WDR27: variants seen among roughly 807,000 people sequenced by gnomAD.
The protein encoded by WDR27 is WD repeat-containing protein 27.
A neutral mutation model predicts 114.4 loss-of-function variants in WDR27; 100 were observed. The observed-to-expected ratio is 0.87, with a 90% CI of 0.74 to 1.03. The LOEUF (loss-of-function observed/expected upper bound fraction) is 1.03. Ranked by LOEUF, WDR27 falls within the 50% of genes least tolerant of loss-of-function variation. The pLI is 0.00. For missense variants in WDR27, 1,129 were observed against 1,092.9 expected (o/e 1.03, Z -0.47); for synonymous variants, 449 against 423.1 (o/e 1.06, Z -0.75).
intron 25 of WDR27, among the ~76,000 whole-genome samples, chr6:169,459,310 T>A (rs998915858): frequency 2.6e-5 from 4 of 151,874 alleles, no homozygotes; most frequent in Non-Finnish European, 5.9e-5. Flanking sequence ...ATAAAATAAT[T>A]GAAATAAAGT....
intron 25 of WDR27, among the ~76,000 whole-genome samples, chr6:169,514,696 G>C (rs147422116): frequency 1.7e-4 from 25 of 147,976 alleles, no homozygotes; most frequent in African/African-American, 6.2e-4. Context: ...GGAATAAAAG[G>C]TTGGCTTAAC....
At chr6:169,649,107 G>T in intron 15 of WDR27, 91 bp downstream of exon 15, 2 of 1,059,472 alleles carry the variant, frequency 1.9e-6, no homozygotes, top group Non-Finnish European at 2.9e-6. Context: ...CACATATAAG[G>T]TTTTATATCT....
chr6:169,476,792 T>C (rs1787242241), intron 25 of WDR27, among the ~76,000 whole-genome samples: 1 of 152,250 alleles, frequency 6.6e-6, no homozygotes, highest in Non-Finnish European at 1.5e-5. Context: ...AGATACTGCA[T>C]GCAGTGACCT....
intron 25 of WDR27, among the ~76,000 whole-genome samples, chr6:169,470,838 A>G (rs1583617283): frequency 6.6e-6 from 1 of 152,200 alleles, no homozygotes; most frequent in South Asian, 2.1e-4. Flanking sequence ...GGTCCATAGC[A>G]CAAGATGTGG....
At chr6:169,676,774 T>C (rs1322713423) in intron 2 of WDR27, among the ~76,000 whole-genome samples, 2 of 152,194 alleles carry the variant, frequency 1.3e-5, no homozygotes, top group African/African-American at 4.8e-5. Flanking sequence ...ACCTATGACC[T>C]GGAAGCCCCC....
chr6:169,572,996 G>C (rs926701446), intron 24 of WDR27, among the ~76,000 whole-genome samples: 1 of 147,032 alleles, frequency 6.8e-6, no homozygotes, highest in Non-Finnish European at 1.5e-5. Flanking sequence ...TCAATGCGCC[G>C]CATACCAGCC....
At chr6:169,675,766 T>C (rs962699607) in intron 2 of WDR27, among the ~76,000 whole-genome samples, 3 of 150,314 alleles carry the variant, frequency 2.0e-5, no homozygotes, top group African/African-American at 7.2e-5. Flanking sequence ...TGTTTTATTG[T>C]GCAGAGGAAG....
chr6:169,620,018 G>T (rs1812733819), intron 21 of WDR27, among the ~76,000 whole-genome samples: 2 of 152,294 alleles, frequency 1.3e-5, no homozygotes, highest in African/African-American at 4.8e-5. Flanking sequence ...TGTTATGCCA[G>T]AGCCAGGTTG....
At chr6:169,680,695 G>T (rs542231839) in intron 2 of WDR27, among the ~76,000 whole-genome samples, 1 of 152,144 alleles carries the variant, frequency 6.6e-6, no homozygotes, top group Non-Finnish European at 1.5e-5. Flanking sequence ...AAAGTAAAAT[G>T]CATGACAACA....
At chr6:169,626,722 C>CCA (rs1299275873) in intron 21 of WDR27, among the ~76,000 whole-genome samples, 1 of 152,216 alleles carries the variant, frequency 6.6e-6, no homozygotes, top group East Asian at 1.9e-4. Context: ...GGCCATTGTT[C>CCA]CACAACAGAG....
intron 25 of WDR27, among the ~76,000 whole-genome samples, chr6:169,561,148 T>A (rs1003839093): frequency 2.0e-5 from 3 of 152,076 alleles, no homozygotes; most frequent in Non-Finnish European, 4.4e-5. Context: ...AGGTCCAGGA[T>A]GAAGGTGCTG....
At chr6:169,680,519 T>G (rs1057163912) in intron 2 of WDR27, among the ~76,000 whole-genome samples, 6 of 152,130 alleles carry the variant, frequency 3.9e-5, no homozygotes, top group Non-Finnish European at 8.8e-5. Flanking sequence ...GAGGCGGAGC[T>G]TGCAGTGAGC....
Position 169,664,193 on chromosome 6 carries a change from C to G in WDR27, c.877G>C (p.Val293Leu). The G allele has an allele frequency of 6.2e-7, 1 of 1,608,290 alleles. No individual in the cohort carries two copies. The highest frequency in any genetic ancestry group is 8.5e-7 in the Non-Finnish European group (1 of 1,176,950). The change falls in exon 8 of 26, where the codon GTT becomes CTT. Residue 293 changes from valine to leucine, a missense_variant. Coordinates refer to ENST00000448612, the MANE Select transcript of WDR27 (RefSeq NM_182552.5). ...GGCTGGCTGCACAGCCCAGACTTAA[C>G]CCTTCTTGTGGAGAAAGTCTCTGTC... ...KKTETFSTRR[V>L]KSGLCSQPEE...
intron 25 of WDR27, among the ~76,000 whole-genome samples, chr6:169,460,307 G>T (rs1784759265): frequency 6.6e-6 from 1 of 152,178 alleles, no homozygotes; most frequent in Non-Finnish European, 1.5e-5. Flanking sequence ...GATGGGTGGG[G>T]ACAGAGATGT....
intron 21 of WDR27, among the ~76,000 whole-genome samples, chr6:169,619,027 A>G (rs1434105056): frequency 6.6e-6 from 1 of 152,328 alleles, no homozygotes; most frequent in Middle Eastern, 3.4e-3. Flanking sequence ...TCTTAATATA[A>G]CACCTCTCAT....
At chr6:169,582,505 T>C (rs554737584) in intron 24 of WDR27, among the ~76,000 whole-genome samples, 1 of 152,284 alleles carries the variant, frequency 6.6e-6, no homozygotes, top group South Asian at 2.1e-4. Context: ...TAGTGCCCCA[T>C]GTAACCGTAT....
intron 13 of WDR27, among the ~76,000 whole-genome samples, chr6:169,657,525 G>C (rs757858732): frequency 1.3e-5 from 2 of 152,204 alleles, no homozygotes; most frequent in African/African-American, 2.4e-5. Flanking sequence ...GGCAGAAGGT[G>C]AAAGGCGGCT....
At chr6:169,584,674 C>T (rs980438179) in intron 23 of WDR27, among the ~76,000 whole-genome samples, 2 of 152,172 alleles carry the variant, frequency 1.3e-5, no homozygotes, top group Non-Finnish European at 1.5e-5. Context: ...AGCACCTTTT[C>T]GTATAGCTTT....
intron 23 of WDR27, among the ~76,000 whole-genome samples, chr6:169,589,296 C>T (rs936873978): frequency 6.6e-6 from 1 of 152,192 alleles, no homozygotes; most frequent in African/African-American, 2.4e-5. Flanking sequence ...TTGCCAGGCA[C>T]TGATAAGAAT....
Sources: allele counts gnomAD v4.1 joint callset (sites outside exome capture counted in the v4.1 genomes callset), GRCh38; gene constraint gnomAD v4.1.1; transcripts MANE v1.5; gene names NCBI Gene and HGNC (gene_info 2026-07-23, HGNC 2026-07-21).